DLD: variants seen among roughly 807,000 people sequenced by gnomAD.
DLD encodes dihydrolipoyl dehydrogenase, mitochondrial.
DLD carries 36 observed loss-of-function variants against 62.2 expected under a neutral mutation model. The observed-to-expected ratio is 0.58, with a 90% CI of 0.44 to 0.76. DLD has a LOEUF of 0.76. DLD is among the 30% of genes least tolerant of loss of function. DLD has a pLI of 0.00. For synonymous variants in DLD, 204 were observed against 199.6 expected, an observed-to-expected ratio of 1.02 and a Z score of -0.19; for missense variants, 541 against 608.6, an observed-to-expected ratio of 0.89 and a Z score of 1.17.
Position 107,901,630 on chromosome 7 carries a change from G to A in DLD, c.119-108G>A, listed in dbSNP as rs980848374. 1.5e-5 allele frequency: 13 copies of A among 861,126 alleles called. No individual in the cohort carries two copies. The Admixed American group carries it at 1.8e-4, about 12-fold the overall frequency. 53.3% of individuals were successfully genotyped at this position (861,126 alleles called of 1,614,324 possible). A position where few individuals can be genotyped will look rare whatever the true frequency, so the allele number is the denominator to read the frequency against. Reference sequence around the variant, plus strand: ...GAAACTATGTAGAAAATGCTGATTTGTACTGTAAGAGGTTTAAGTATCGGG... The same window carrying A: ...GAAACTATGTAGAAAATGCTGATTTATACTGTAAGAGGTTTAAGTATCGGG... On this transcript the variant is annotated intron_variant, in intron 2 of 13. Transcript: ENST00000205402.
chr7:107,917,328 G>A lies in DLD; in HGVS notation c.1102G>A (p.Asp368Asn). 1.2e-6 allele frequency: 2 copies of A among 1,614,154 alleles called. No individual in the cohort carries two copies. The highest frequency in any genetic ancestry group is 1.7e-6 in the Non-Finnish European group (2 of 1,180,008). Residue 368 changes from aspartate to asparagine, a missense_variant, in exon 11 of 14, where the codon GAT becomes AAT. Asp to Asn is a conservative substitution (Grantham distance 23). Transcript: ENST00000205402. Reference protein sequence around the residue: ...AGPMLAHKAEDEGIICVEGMA... With the variant: ...AGPMLAHKAENEGIICVEGMA... Reference sequence around the variant, plus strand: ...TCCAATGCTGGCTCACAAAGCAGAGGATGAAGGCATTATCTGTGTTGAAGG... The same window carrying A: ...TCCAATGCTGGCTCACAAAGCAGAGAATGAAGGCATTATCTGTGTTGAAGG...
At chr7:107,903,309 C>T (rs1240953756) in intron 4 of DLD, among the ~76,000 whole-genome samples, 169 bp from the exon 5 acceptor site, 2 of 152,088 alleles carry the variant, frequency 1.3e-5, no homozygotes, top group Non-Finnish European at 2.9e-5. Flanking sequence ...GCCCGGGAGG[C>T]GGAGGTTGCG....
At chr7:107,918,935 C>G in intron 12 of DLD, 75 bp from the exon 13 acceptor site, 1 of 1,201,164 alleles carries the variant, frequency 8.3e-7, no homozygotes, top group East Asian at 2.3e-5. Context: ...TAAAAGCTTC[C>G]CCTCAACAAT....
At chr7:107,907,599 C>CTAA (rs539875851) in intron 8 of DLD, among the ~76,000 whole-genome samples, 181 of 152,204 alleles carry the variant, frequency 1.2e-3, no homozygotes, top group Non-Finnish European at 1.8e-3. Context: ...TTCCCTAAGA[C>CTAA]TAATCCCTTT....
At chr7:107,916,246 G>A (rs1369364788) in intron 9 of DLD, among the ~76,000 whole-genome samples, 1 of 152,152 alleles carries the variant, frequency 6.6e-6, no homozygotes, top group Non-Finnish European at 1.5e-5. Context: ...TCAAAGACCT[G>A]TATTCTTAAC....
rs566400185 is a variant in DLD at position 107,900,121 on chromosome 7, T to A, written c.119-1617T>A. ...AAATGACTATACATATTTTTTCATG[T>A]ATTATCTCAATTATCATCTGCTATA... On this transcript the variant is annotated intron_variant, in intron 2 of 13. Transcript: ENST00000205402. 4.7e-3 allele frequency among the ~76,000 whole-genome samples: 717 copies of A among 152,316 alleles called. 7 individuals carry two copies. Among genetic ancestry groups the A allele is most frequent in the African/African-American group, 0.016 (666 of 41,590 alleles).
chr7:107,911,693 T>A (rs548894001), intron 8 of DLD, among the ~76,000 whole-genome samples: 1 of 149,356 alleles, frequency 6.7e-6, no homozygotes, highest in South Asian at 2.1e-4. Context: ...ACTGTGGGGT[T>A]TTTTTTTCTA....
Position 107,891,287 on chromosome 7 carries a change from A to T in DLD, c.37A>T (p.Lys13Ter), listed in dbSNP as rs2031564398. The part of the protein sequence containing the change: ...SWSRVYCSLA[K>*]RGHFNRISHG... ...GAGTCGTGTGTACTGCTCCTTGGCC[A>T]AGGTGAGGGCCGAGTAGGTGAGGTC... is the stretch of plus-strand genomic sequence containing the variant. Residue 13 changes from lysine (K) to a stop codon, truncating the protein, a stop_gained and splice_region_variant, in exon 1 of 14, where the codon AAG becomes TAG. Transcript: ENST00000205402. LOFTEE classifies it high-confidence loss of function. The T allele has an allele frequency of 1.9e-6, 3 of 1,613,970 alleles. No homozygotes were observed. Among genetic ancestry groups the T allele is most frequent in the Non-Finnish European group, 1.7e-6 (2 of 1,179,950 alleles).
Position 107,917,915 on chromosome 7 carries a change from C to T in DLD, c.1237-9C>T. 1 of 1,613,912 alleles carries T rather than the reference C, an allele frequency of 6.2e-7. No homozygotes were observed. The highest frequency in any genetic ancestry group is 8.5e-7 in the Non-Finnish European group (1 of 1,179,868). Reference sequence around the variant, plus strand: ...AGTTACGTAGATTCTTTTTTTCTGACTGTCACAGGGTATTGAGTACAAAGT... The same window carrying T: ...AGTTACGTAGATTCTTTTTTTCTGATTGTCACAGGGTATTGAGTACAAAGT... On this transcript the variant is annotated splice_polypyrimidine_tract_variant and intron_variant, in intron 11 of 13. Coordinates refer to ENST00000205402, the MANE Select transcript of DLD (RefSeq NM_000108.5).
chr7:107,896,518 T>C (rs1052346456), intron 2 of DLD, among the ~76,000 whole-genome samples: 1 of 152,174 alleles, frequency 6.6e-6, no homozygotes, highest in African/African-American at 2.4e-5. Context: ...TTACTTCAGA[T>C]CATTTCTTAT....
chr7:107,916,755 A>G (rs1266925241), intron 9 of DLD, 39 bp from the exon 10 acceptor site: 1 of 1,575,096 alleles, frequency 6.3e-7, no homozygotes, highest in East Asian at 2.2e-5. Context: ...CAATTTATGT[A>G]GGTGTGTATT....
intron 8 of DLD, among the ~76,000 whole-genome samples, chr7:107,911,028 T>A (rs2032127448): frequency 6.6e-6 from 1 of 152,198 alleles, no homozygotes; most frequent in Non-Finnish European, 1.5e-5. Flanking sequence ...TTCACCCATT[T>A]AAAATGTACA....
At chr7:107,918,205 A>G (rs2032319277) in intron 12 of DLD, 144 bp downstream of exon 12, 1 of 877,838 alleles carries the variant, frequency 1.1e-6, no homozygotes, top group Admixed American at 2.0e-5. Context: ...CATTTCTAGA[A>G]GGATACCAGC....
intron 5 of DLD, 193 bp downstream of exon 5, chr7:107,903,740 A>C: frequency 2.2e-6 from 1 of 459,222 alleles, no homozygotes; most frequent in South Asian, 2.2e-5. Flanking sequence ...AGCCAAGTAT[A>C]ACCAAGCCTA....
chr7:107,893,175 T>C (rs1289921024), intron 1 of DLD, 25 bp from the exon 2 acceptor site: 1 of 1,599,478 alleles, frequency 6.3e-7, no homozygotes, highest in Admixed American at 1.7e-5. Context: ...ATATCTTACA[T>C]AATAGGGACA....
At chr7:107,915,770 T>G in intron 9 of DLD, 74 bp downstream of exon 9, 1 of 1,374,366 alleles carries the variant, frequency 7.3e-7, no homozygotes. Flanking sequence ...TCAAAATCAG[T>G]TTAGCAAATA....
intron 2 of DLD, among the ~76,000 whole-genome samples, chr7:107,896,189 C>T (rs1346845846): frequency 8.5e-5 from 13 of 152,188 alleles, no homozygotes; most frequent in African/African-American, 2.2e-4. Context: ...ACCAACAGAG[C>T]GTAACAACAG....
chr7:107,893,327 CT>C (rs1466101783), intron 2 of DLD, 49 bp downstream of exon 2: 1 of 1,373,842 alleles, frequency 7.3e-7, no homozygotes, highest in Non-Finnish European at 1.0e-6. Context: ...CTGACAGTTC[CT>C]TTCTATTTCA....
chr7:107,919,165 AT>A (rs1298810433), intron 13 of DLD, 28 bp from the exon 14 acceptor site: 1 of 1,612,826 alleles, frequency 6.2e-7, no homozygotes, highest in East Asian at 2.2e-5. Flanking sequence ...AAATATTTGG[AT>A]TTTAATTTTA....
Sources: allele counts gnomAD v4.1 joint callset (sites outside exome capture counted in the v4.1 genomes callset), GRCh38; gene constraint gnomAD v4.1.1; transcripts MANE v1.5; gene names NCBI Gene and HGNC (gene_info 2026-07-23, HGNC 2026-07-21).